IGLON5: variants seen among roughly 807,000 people sequenced by gnomAD.
The protein encoded by IGLON5 is Ig-like domain-containing protein ENSP00000270642.
In IGLON5, 16 loss-of-function variants were observed where a neutral mutation model predicts 38.2. The observed-to-expected ratio is 0.42, with a 90% CI of 0.28 to 0.64. The LOEUF (loss-of-function observed/expected upper bound fraction) is 0.64, where lower values mean the gene tolerates loss of function less well. Among genes scored for constraint, IGLON5 ranks in the 30% least tolerant of loss-of-function variants. The pLI is 0.23. For synonymous variants in IGLON5, 207 were observed against 216.4 expected (o/e 0.96, Z 0.38); for missense variants, 366 against 483.4 (o/e 0.76, Z 2.28).
rs1307432693 is a variant in IGLON5, at chr19:51,324,669, C to T, written c.392-677C>T. On this transcript the variant is annotated intron_variant, in intron 3 of 7. Transcript: ENST00000270642. The surrounding 1 kb of genome is among the most constrained non-coding windows in gnomAD (Gnocchi z 4.2). Reference sequence around the variant, plus strand: ...GTGCTGTCATATGTCAAATCCCAGACGTCGTCAATTAGAAGAGCTACTTTT... The same window carrying T: ...GTGCTGTCATATGTCAAATCCCAGATGTCGTCAATTAGAAGAGCTACTTTT... 3.9e-5 allele frequency among the ~76,000 whole-genome samples: 6 copies of T among 151,924 alleles called. No homozygotes were observed. Among genetic ancestry groups the T allele is most frequent in the Non-Finnish European group, 8.8e-5 (6 of 68,016 alleles).
rs541272395 is a variant in IGLON5, at chr19:51,320,485, C to T, written c.80-1579C>T. On this transcript the variant is annotated intron_variant, in intron 1 of 7. Transcript: ENST00000270642. Reference sequence around the variant, plus strand: ...TGCCAGCTCCACCGCCTCCGCATGCCCAGCCCCCACTCCCTGGCCCTGGTC... The same window carrying T: ...TGCCAGCTCCACCGCCTCCGCATGCTCAGCCCCCACTCCCTGGCCCTGGTC... Among the ~76,000 whole-genome samples the T allele has an allele frequency of 5.9e-5, 9 of 152,340 alleles. No homozygotes were observed. The South Asian group carries it at 1.9e-3, about 32-fold the overall frequency.
intron 1 of IGLON5, among the ~76,000 whole-genome samples, chr19:51,318,262 G>C (rs972625474): frequency 6.6e-6 from 1 of 152,218 alleles, no homozygotes; most frequent in Non-Finnish European, 1.5e-5. Context: ...GGCCTCTGGT[G>C]GGCCAGGCCC....
chr19:51,313,898 T>C (rs1984845861), intron 1 of IGLON5, among the ~76,000 whole-genome samples: 1 of 151,782 alleles, frequency 6.6e-6, no homozygotes, highest in African/African-American at 2.4e-5. Flanking sequence ...ATTTTTAATT[T>C]TTTTTCTTTG....
rs893975674 is a variant in IGLON5 at position 51,324,985 on chromosome 19, C to T, written c.392-361C>T. Among the ~76,000 whole-genome samples the T allele has an allele frequency of 1.3e-5, 2 of 151,562 alleles. No individual in the cohort carries two copies. The highest frequency in any genetic ancestry group is 3.9e-4 in the East Asian group (2 of 5,152). On this transcript the variant is annotated intron_variant, in intron 3 of 7. Transcript: ENST00000270642. The surrounding 1 kb of genome is among the most constrained non-coding windows in gnomAD (Gnocchi z 4.2). ...AAATAATAATAAATACAAATAGAGA[C>T]GGGGAGAGGAATTCAGACCCCAAGA...
At chr19:51,323,938 C>A in intron 3 of IGLON5, 44 bp downstream of exon 3, 2 of 1,371,608 alleles carry the variant, frequency 1.5e-6, no homozygotes, top group South Asian at 1.2e-5. Flanking sequence ...GGGTTGAGAG[C>A]GTGGGGGAGA....
chr19:51,321,642 G>A (rs1985058532), intron 1 of IGLON5, among the ~76,000 whole-genome samples: 2 of 152,166 alleles, frequency 1.3e-5, no homozygotes, highest in Admixed American at 1.3e-4. Flanking sequence ...TTGTACATAT[G>A]TCTCTGTATA....
intron 1 of IGLON5, among the ~76,000 whole-genome samples, chr19:51,312,272 T>G: frequency 6.7e-6 from 1 of 148,178 alleles, no homozygotes; most frequent in South Asian, 2.2e-4. Flanking sequence ...GACACTGGAC[T>G]CGGGGTCCCC....
In IGLON5 at chr19:51,327,165, C is replaced by G; in HGVS notation, c.732C>G (p.Pro244=). ...ALLRCEAMAV[P]PADFQWYKDD... is the part of the protein sequence containing the mutation. The stretch of plus-strand genomic sequence containing the variant: ...TGCGCTGCGAAGCCATGGCGGTTCC[C>G]CCCGCGGATTTCCAGTGGTACAAGG... Residue 244 remains proline, a synonymous_variant, in exon 6 of 8, where the codon CCC becomes CCG. Coordinates refer to ENST00000270642, the MANE Select transcript of IGLON5 (RefSeq NM_001101372.3). The surrounding 1 kb of genome is among the most constrained non-coding windows in gnomAD (Gnocchi z 7.1). 1.2e-6 allele frequency: 2 copies of G among 1,612,500 alleles called. No individual in the cohort carries two copies. Among genetic ancestry groups the G allele is most frequent in the Non-Finnish European group, 1.7e-6 (2 of 1,179,684 alleles).
intron 1 of IGLON5, 137 bp from the exon 2 acceptor site, chr19:51,321,927 G>A (rs1430816272): frequency 7.0e-6 from 5 of 715,596 alleles, no homozygotes; most frequent in East Asian, 5.2e-5. Context: ...GTGTGTGCAC[G>A]TGTGGTGCAT....
At chr19:51,328,166 TGGTCATGTA>T (rs1460296590) in intron 7 of IGLON5, among the ~76,000 whole-genome samples, 3 of 152,058 alleles carry the variant, frequency 2.0e-5, no homozygotes, top group Admixed American at 6.5e-5. Flanking sequence ...AATAAACAAG[TGGTCATGTA>T]GGTAAATAAG....
intron 2 of IGLON5, among the ~76,000 whole-genome samples, chr19:51,322,484 A>ACAGAGATCCAGAGAGAAGGGGC (rs1985090048): frequency 6.9e-6 from 1 of 145,848 alleles, no homozygotes; most frequent in African/African-American, 2.6e-5. Flanking sequence ...AGAGAAGGGG[A>ACAGAGATCCAGAGAGAAGGGGC]CAGAGATCCA....
intron 1 of IGLON5, among the ~76,000 whole-genome samples, chr19:51,313,647 T>TTCTTTCTTTC (rs1316825509): frequency 3.4e-5 from 4 of 116,274 alleles, no homozygotes; most frequent in Non-Finnish European, 5.3e-5. Context: ...CTCTCTCTCT[T>TTCTTTCTTTC]TTTCTTTCTT....
In IGLON5 at chr19:51,324,066, C is replaced by G. The variant is rs1985154578; in HGVS notation, c.391+172C>G. Among the ~76,000 whole-genome samples, 1 of 152,186 alleles carries G rather than the reference C, an allele frequency of 6.6e-6. No homozygotes were observed. The highest frequency in any genetic ancestry group is 2.1e-4 in the South Asian group (1 of 4,828). On this transcript the variant is annotated intron_variant, in intron 3 of 7. Coordinates refer to ENST00000270642, the MANE Select transcript of IGLON5 (RefSeq NM_001101372.3). The surrounding 1 kb of genome is among the most constrained non-coding windows in gnomAD (Gnocchi z 4.2). ...AGCAGAAGGGGGCCAGTTACACAGA[C>G]AGTGACGCATCAACATGATTGCTTC...
rs538165062 is a variant in IGLON5 at position 51,313,319 on chromosome 19, T to G, written c.79+1393T>G. Among the ~76,000 whole-genome samples, 924 of 152,196 alleles carry G rather than the reference T, an allele frequency of 6.1e-3. 9 individuals are homozygous for G. Among genetic ancestry groups the G allele is most frequent in the African/African-American group, 0.021 (889 of 41,520 alleles). The stretch of plus-strand genomic sequence containing the variant: ...TTTGTGTCCCTGCCATTTCTGGAGG[T>G]TCCCATCCCTTCCCATCTCTGTTAT... On this transcript the variant is annotated intron_variant, in intron 1 of 7. Transcript: ENST00000270642.
intron 2 of IGLON5, 43 bp from the exon 3 acceptor site, chr19:51,323,619 C>A: frequency 6.5e-7 from 1 of 1,535,392 alleles, no homozygotes; most frequent in Non-Finnish European, 8.9e-7. Context: ...AAGCCTCAGG[C>A]TGGGTGGGTG....
intron 2 of IGLON5, among the ~76,000 whole-genome samples, chr19:51,322,479 A>C (rs1985089631): frequency 6.7e-6 from 1 of 149,732 alleles, no homozygotes. Flanking sequence ...TCCAGAGAGA[A>C]GGGGACAGAG....
At chr19:51,323,400 G>A (rs1235631815) in intron 2 of IGLON5, among the ~76,000 whole-genome samples, 2 of 151,986 alleles carry the variant, frequency 1.3e-5, no homozygotes, top group African/African-American at 4.8e-5. Context: ...CAGATTCTCT[G>A]TTCTCCCCTT....
rs1985340485 is a variant in IGLON5 at position 51,330,888 on chromosome 19, C to A, written c.*2129C>A. Among the ~76,000 whole-genome samples the A allele has an allele frequency of 2.0e-5, 3 of 152,158 alleles. No homozygotes were observed. In the South Asian group the frequency reaches 6.2e-4, roughly 32 times the overall value. ...CAATAAAGTCCCCTGTATATTTAAA[C>A]CAATTTGCATTGGATTTTCTATCTC... On this transcript the variant is annotated 3_prime_UTR_variant, in exon 8 of 8. Transcript: ENST00000270642.
rs1425524788 is a variant in IGLON5, at chr19:51,327,897, G to C, written c.922+11G>C. ...CCATGCGGCTCCTGCGTGCGTCTTC[G>C]GGCGGGGCGGGGCCGGGAAGGTGGG... On this transcript the variant is annotated intron_variant, in intron 7 of 7. Coordinates refer to ENST00000270642, the MANE Select transcript of IGLON5 (RefSeq NM_001101372.3). The surrounding 1 kb of genome is among the most constrained non-coding windows in gnomAD (Gnocchi z 7.1). The C allele has an allele frequency of 6.6e-5, 99 of 1,490,424 alleles. 1 individual carries two copies. The highest frequency in any genetic ancestry group is 8.8e-5 in the Non-Finnish European group (99 of 1,119,026). The allele number at this position is 1,490,424 out of a possible 1,614,324, so 92.3% of individuals were successfully genotyped here.
Sources: gnomAD v4.1 joint callset for allele counts (sites outside exome capture counted in the v4.1 genomes callset) on GRCh38, gnomAD v4.1.1 for gene constraint, Gnocchi (gnomAD v3.1) non-coding constraint, MANE v1.5 for transcripts, NCBI Gene and HGNC (gene_info 2026-07-23, HGNC 2026-07-21) for gene names.